The following ADAM10 variants were observed in gnomAD, a reference collection of about 807,000 sequenced individuals.
ADAM10 encodes disintegrin and metalloproteinase domain-containing protein 10.
A neutral mutation model predicts 90.1 loss-of-function variants in ADAM10; 17 were observed. That is an observed-to-expected ratio of 0.19 (90% CI 0.13 to 0.28). The LOEUF is 0.28. Among genes scored for constraint, ADAM10 ranks in the 10% least tolerant of loss-of-function variants. The probability of loss-of-function intolerance (pLI) is 1.00; values close to 1 mark genes in which losing one functional copy is unlikely to be tolerated. For missense variants in ADAM10, 610 were observed against 914.3 expected (o/e 0.67, Z 4.29); for synonymous variants, 310 against 298.6 (o/e 1.04, Z -0.40).
At chr15:58,645,975 C>T in intron 6 of ADAM10, 80 bp downstream of exon 6, 1 of 1,500,668 alleles carries the variant, frequency 6.7e-7, no homozygotes, top group African/African-American at 1.4e-5. Context: ...AGAGAATACA[C>T]TAACTTAAAT....
intron 2 of ADAM10, among the ~76,000 whole-genome samples, chr15:58,695,633 A>T (rs1353148656): frequency 4.6e-5 from 7 of 151,540 alleles, no homozygotes; most frequent in African/African-American, 1.5e-4. Flanking sequence ...CTACAAAAAG[A>T]TATTTAAGTT....
In ADAM10 at chr15:58,668,089, A is replaced by G. The variant is rs577244966; in HGVS notation, c.485-2892T>C. 1.1e-4 allele frequency among the ~76,000 whole-genome samples: 16 copies of G among 152,240 alleles called. No homozygotes were observed. In the South Asian group the frequency reaches 2.7e-3, roughly 26 times the overall value. The stretch of plus-strand genomic sequence containing the variant: ...TGGGTTTTAGAAAGAAAGGGTTACT[A>G]TTGGCAGCCAAAGGATAATGGGAGT... On this transcript the variant is annotated intron_variant, in intron 4 of 15. Coordinates refer to ENST00000260408, the MANE Select transcript of ADAM10 (RefSeq NM_001110.4).
intron 13 of ADAM10, chr15:58,610,760 T>C: frequency 1.6e-6 from 1 of 633,870 alleles, no homozygotes; most frequent in Non-Finnish European, 2.8e-6. Flanking sequence ...TCTAACAGTG[T>C]TTATGTAAAT....
In ADAM10 at chr15:58,646,089, T is replaced by C; in HGVS notation, c.701A>G (p.Lys234Arg). The part of the protein sequence containing the change: ...LYIQTDHLFF[K>R]YYGTREAVIA... ...CACAGCTTCTCGTGTTCCGTAATAT[T>C]TAAAGAACAAATGATCAGTCTGAAT... Residue 234 changes from lysine to arginine, a missense_variant, in exon 6 of 16, where the codon AAA becomes AGA. Transcript: ENST00000260408. 3 of 1,613,716 alleles carry C rather than the reference T, an allele frequency of 1.9e-6. No homozygotes were observed. The highest frequency in any genetic ancestry group is 2.7e-5 in the African/African-American group (2 of 75,034).
chr15:58,676,625 T>C (rs1382883628), intron 4 of ADAM10, among the ~76,000 whole-genome samples: 4 of 152,106 alleles, frequency 2.6e-5, no homozygotes, highest in Admixed American at 2.6e-4. Flanking sequence ...ATATATGAAA[T>C]TAATATTTAA....
chr15:58,627,952 G>A lies in ADAM10; in HGVS notation c.1177-69C>T, dbSNP rs539289977. The A allele has an allele frequency of 5.0e-5, 73 of 1,453,250 alleles. No individual in the cohort carries two copies. In the African/African-American group the frequency reaches 5.9e-4, roughly 12 times the overall value. 90.0% of individuals were successfully genotyped at this position (1,453,250 alleles called of 1,614,324 possible). A position where few individuals can be genotyped will look rare whatever the true frequency, so the allele number is the denominator to read the frequency against. On this transcript the variant is annotated intron_variant, in intron 9 of 15. Transcript: ENST00000260408. ...AGGTTTTCAGGTCAACTGATTAAAC[G>A]TAATGTTCTCATCAGGAAAACAATG...
At chr15:58,746,100 T>G (rs879014408) in intron 1 of ADAM10, among the ~76,000 whole-genome samples, 28 of 152,232 alleles carry the variant, frequency 1.8e-4, no homozygotes, top group Admixed American at 1.8e-3. Context: ...TATTAGGGTT[T>G]AAGGTCAAAC....
intron 1 of ADAM10, among the ~76,000 whole-genome samples, chr15:58,728,741 CAAAGACAAATCAA>C (rs1899124713): frequency 6.6e-6 from 1 of 151,998 alleles, no homozygotes; most frequent in Admixed American, 6.6e-5. Flanking sequence ...GGATCAAAAA[CAAAGACAAATCAA>C]AAAGAGAATT....
At chr15:58,655,608 A>G (rs767388517) in intron 5 of ADAM10, among the ~76,000 whole-genome samples, 50 of 147,672 alleles carry the variant, frequency 3.4e-4, no homozygotes, top group Non-Finnish European at 5.2e-4. Flanking sequence ...CTATATTAAT[A>G]TATATTTACA....
At chr15:58,623,710 G>A (rs570584370) in intron 10 of ADAM10, among the ~76,000 whole-genome samples, 5 of 152,148 alleles carry the variant, frequency 3.3e-5, no homozygotes, top group Non-Finnish European at 7.4e-5. Context: ...AACTAACACA[G>A]GAACAGAAAA....
chr15:58,705,200 T>G (rs1483791964), intron 2 of ADAM10, among the ~76,000 whole-genome samples: 1 of 152,230 alleles, frequency 6.6e-6, no homozygotes, highest in East Asian at 1.9e-4. Context: ...TTTTATAATA[T>G]ACTACACCGT....
intron 2 of ADAM10, chr15:58,704,221 T>C (rs1898216108): frequency 6.6e-6 from 1 of 152,210 alleles, no homozygotes; most frequent in Admixed American, 6.5e-5. Context: ...CAGTCATAAA[T>C]AATCCATGAT....
At chr15:58,705,399 T>C (rs761991116) in intron 2 of ADAM10, among the ~76,000 whole-genome samples, 6 of 152,140 alleles carry the variant, frequency 3.9e-5, no homozygotes, top group Non-Finnish European at 7.4e-5. Flanking sequence ...ATTGGCTAAG[T>C]AGTAAAATTG....
Position 58,682,238 on chromosome 15 carries a change from G to A in ADAM10, c.283C>T (p.Leu95Phe). Reference protein sequence around the residue: ...EFKVETSNKVLDYDTSHIYTG... With the variant: ...EFKVETSNKVFDYDTSHIYTG... Reference sequence around the variant, plus strand: ...TAAATATGAGAGGTATCATAATCAAGTACTTTATTTGATGTTTCTACTTTA... The same window carrying A: ...TAAATATGAGAGGTATCATAATCAAATACTTTATTTGATGTTTCTACTTTA... The change falls in exon 3 of 16, where the codon CTT becomes TTT. Residue 95 changes from leucine to phenylalanine, a missense_variant. By Grantham distance (22) the Leu-to-Phe change is conservative. Coordinates refer to ENST00000260408, the MANE Select transcript of ADAM10 (RefSeq NM_001110.4). 6.2e-7 allele frequency: 1 copy of A among 1,612,926 alleles called. No individual in the cohort carries two copies.
intron 4 of ADAM10, among the ~76,000 whole-genome samples, chr15:58,665,875 ATCATTCATCAT>A (rs551436409): frequency 1.8e-4 from 27 of 152,014 alleles, no homozygotes; most frequent in Non-Finnish European, 3.7e-4. Context: ...GACTGATGAC[ATCATTCATCAT>A]TCATTCATCA....
chr15:58,700,048 G>A (rs1435996808), intron 2 of ADAM10, among the ~76,000 whole-genome samples: 1 of 152,060 alleles, frequency 6.6e-6, no homozygotes, highest in Non-Finnish European at 1.5e-5. Flanking sequence ...GCAAGCAGGA[G>A]TAGCTAAATA....
At chr15:58,719,260 G>A (rs1898765276) in intron 1 of ADAM10, among the ~76,000 whole-genome samples, 2 of 152,034 alleles carry the variant, frequency 1.3e-5, no homozygotes, top group Non-Finnish European at 2.9e-5. Context: ...GGAGGCAGAG[G>A]TTGTAGTGAG....
chr15:58,748,358 T>C (rs534645668), intron 1 of ADAM10: 3 of 152,320 alleles, frequency 2.0e-5, no homozygotes, highest in Non-Finnish European at 4.4e-5. Context: ...ATCCAAAGCA[T>C]TCCTCAAATT....
chr15:58,712,037 A>G (rs1192320370), intron 2 of ADAM10, among the ~76,000 whole-genome samples: 1 of 152,162 alleles, frequency 6.6e-6, no homozygotes, highest in Admixed American at 6.5e-5. Context: ...AAAGCTATAA[A>G]AGCGATCAAT....
Sources: gnomAD v4.1 joint callset for allele counts (sites outside exome capture counted in the v4.1 genomes callset) on GRCh38, gnomAD v4.1.1 for gene constraint, MANE v1.5 for transcripts, NCBI Gene and HGNC (gene_info 2026-07-23, HGNC 2026-07-21) for gene names.